SNTG2: variants seen among roughly 807,000 people sequenced by gnomAD.
SNTG2 encodes gamma-2-syntrophin.
A neutral mutation model predicts 70.9 loss-of-function variants in SNTG2; 74 were observed. The ratio of observed to expected loss-of-function variants is 1.04; its 90% CI spans 0.86 to 1.27. The LOEUF (loss-of-function observed/expected upper bound fraction) is 1.27, where lower values mean the gene tolerates loss of function less well. SNTG2 is among the 50% of genes most tolerant of loss of function. SNTG2 has a pLI of 0.00. For synonymous variants in SNTG2, 278 were observed against 273.8 expected (o/e 1.02, Z -0.15); for missense variants, 717 against 690.7 (o/e 1.04, Z -0.43).
intron 1 of SNTG2, among the ~76,000 whole-genome samples, chr2:1,081,524 C>G (rs1213876094): frequency 6.6e-6 from 1 of 152,254 alleles, no homozygotes; most frequent in Non-Finnish European, 1.5e-5. Flanking sequence ...GAGCTCAGCC[C>G]TCGGTCAGGC....
intron 1 of SNTG2, among the ~76,000 whole-genome samples, chr2:982,434 C>T (rs1661135558): frequency 1.3e-5 from 2 of 152,244 alleles, no homozygotes; most frequent in African/African-American, 4.8e-5. Flanking sequence ...CCAGCCCCAC[C>T]TCCTCTATCC....
intron 1 of SNTG2, among the ~76,000 whole-genome samples, chr2:963,409 CATT>C (rs1232989110): frequency 2.6e-5 from 4 of 152,092 alleles, no homozygotes; most frequent in Non-Finnish European, 4.4e-5. Flanking sequence ...GTTTTCTAAA[CATT>C]AGTTCTTCTG....
chr2:1,317,035 C>A, intron 16 of SNTG2, among the ~76,000 whole-genome samples: 1 of 97,140 alleles, frequency 1.0e-5, no homozygotes, highest in Non-Finnish European at 2.2e-5. Context: ...GGTTGGGATT[C>A]TGGAGCATTT....
chr2:1,323,315 A>G (rs551930499), intron 16 of SNTG2, among the ~76,000 whole-genome samples: 1 of 152,346 alleles, frequency 6.6e-6, no homozygotes, highest in East Asian at 1.9e-4. Flanking sequence ...CCCTGACCAC[A>G]GCTGTTTCAT....
At chr2:981,709 A>C (rs568244008) in intron 1 of SNTG2, among the ~76,000 whole-genome samples, 9 of 152,286 alleles carry the variant, frequency 5.9e-5, no homozygotes, top group Admixed American at 2.6e-4. Context: ...ACATGCACAC[A>C]CAAACAAGTC....
chr2:1,000,141 A>C (rs926894852), intron 1 of SNTG2, among the ~76,000 whole-genome samples: 3 of 151,962 alleles, frequency 2.0e-5, no homozygotes, highest in African/African-American at 7.2e-5. Flanking sequence ...ATAAGTGCTG[A>C]AATGAAGCTT....
chr2:1,213,270 C>T (rs1360671156), intron 9 of SNTG2, among the ~76,000 whole-genome samples: 1 of 152,126 alleles, frequency 6.6e-6, no homozygotes, highest in Non-Finnish European at 1.5e-5. Context: ...ATATACAATA[C>T]AGTACTTACT....
At chr2:1,317,482 A>G (rs1681337996) in intron 16 of SNTG2, among the ~76,000 whole-genome samples, 1 of 116,544 alleles carries the variant, frequency 8.6e-6, no homozygotes, top group Non-Finnish European at 1.9e-5. Context: ...ATTCTGGAGC[A>G]TTTAGCATCA....
chr2:1,119,943 TATC>T (rs199800008), intron 4 of SNTG2, among the ~76,000 whole-genome samples: 1,958 of 152,226 alleles, frequency 0.013, 34 homozygotes, highest in African/African-American at 0.042. Flanking sequence ...GGTCATTCTT[TATC>T]TATCAATGAT....
At chr2:1,076,562 T>C (rs1663929695) in intron 1 of SNTG2, among the ~76,000 whole-genome samples, 1 of 152,264 alleles carries the variant, frequency 6.6e-6, no homozygotes, top group Non-Finnish European at 1.5e-5. Context: ...ATGTCAAGTA[T>C]ATTCTGTTTT....
intron 16 of SNTG2, among the ~76,000 whole-genome samples, chr2:1,337,884 G>A (rs1311686299): frequency 2.6e-5 from 4 of 152,032 alleles, no homozygotes; most frequent in African/African-American, 4.8e-5. Flanking sequence ...TTTATATATG[G>A]TATAAGGTAA....
In SNTG2 at chr2:1,008,571, G is replaced by A. The variant is rs534291371; in HGVS notation, c.72+57503G>A. 5.9e-5 allele frequency among the ~76,000 whole-genome samples: 9 copies of A among 152,188 alleles called. No homozygotes were observed. The South Asian group carries it at 1.9e-3, about 32-fold the overall frequency. On this transcript the variant is annotated intron_variant, in intron 1 of 16. Transcript: ENST00000308624. ...TGCATGAATTTCAGACTAAATGCCT[G>A]CTTATCTACGTCATCAAACCGTTTT...
intron 11 of SNTG2, among the ~76,000 whole-genome samples, chr2:1,241,377 G>A (rs1677034306): frequency 6.6e-6 from 1 of 152,206 alleles, no homozygotes; most frequent in African/African-American, 2.4e-5. Context: ...TGGCCTTTAC[G>A]TGTTTCAGAG....
At chr2:1,052,405 CT>C (rs1483790768) in intron 1 of SNTG2, among the ~76,000 whole-genome samples, 2 of 152,098 alleles carry the variant, frequency 1.3e-5, no homozygotes, top group Non-Finnish European at 2.9e-5. Flanking sequence ...GTAAAACATT[CT>C]TGCTATTTTC....
chr2:1,220,292 A>G (rs1674666728), intron 9 of SNTG2, among the ~76,000 whole-genome samples: 1 of 152,250 alleles, frequency 6.6e-6, no homozygotes, highest in Non-Finnish European at 1.5e-5. Flanking sequence ...GTGCCGTCAG[A>G]GCGTGGGCTG....
chr2:1,332,515 T>TA (rs1231110730), intron 16 of SNTG2, among the ~76,000 whole-genome samples: 2 of 152,154 alleles, frequency 1.3e-5, no homozygotes. Flanking sequence ...AACATATGTG[T>TA]AAAAATCTTC....
At chr2:1,023,154 T>TA (rs1295747827) in intron 1 of SNTG2, among the ~76,000 whole-genome samples, 53 of 152,016 alleles carry the variant, frequency 3.5e-4, no homozygotes, top group Non-Finnish European at 7.4e-5. Context: ...TTTTTTTTTT[T>TA]AATTTTATTT....
At chr2:1,085,435 A>C (rs1432227160) in intron 2 of SNTG2, among the ~76,000 whole-genome samples, 1 of 152,250 alleles carries the variant, frequency 6.6e-6, no homozygotes, top group African/African-American at 2.4e-5. Context: ...ACTTATGCGT[A>C]CAGTTTTAGG....
chr2:1,355,318 C>T lies in SNTG2; in HGVS notation c.1489-12025C>T, dbSNP rs1389384275. The stretch of plus-strand genomic sequence containing the variant: ...CCCTGCGCCCCTTTATCTCACATGA[C>T]CGAAACTGCACCCGTGGAACGGCAA... On this transcript the variant is annotated intron_variant, in intron 16 of 16. Transcript: ENST00000308624. Among the ~76,000 whole-genome samples, 3 of 152,184 alleles carry T rather than the reference C, an allele frequency of 2.0e-5. No individual in the cohort carries two copies. The East Asian group carries it at 5.8e-4, about 29-fold the overall frequency.
Sources: gnomAD v4.1 joint callset for allele counts (sites outside exome capture counted in the v4.1 genomes callset) on GRCh38, gnomAD v4.1.1 for gene constraint, MANE v1.5 for transcripts, NCBI Gene and HGNC (gene_info 2026-07-23, HGNC 2026-07-21) for gene names.